The following TBCA variants were observed in gnomAD, a reference collection of about 807,000 sequenced individuals.
TBCA encodes the protein tubulin folding cofactor A.
TBCA carries 6 observed loss-of-function variants against 15.8 expected under a neutral mutation model. The ratio of observed to expected loss-of-function variants is 0.38; its 90% CI spans 0.21 to 0.75. The LOEUF (loss-of-function observed/expected upper bound fraction) is 0.75, where lower values mean the gene tolerates loss of function less well. TBCA is among the 30% of genes least tolerant of loss of function. TBCA has a pLI of 0.46. For synonymous variants in TBCA, 32 were observed against 42.3 expected (o/e 0.76, Z 0.94); for missense variants, 90 against 131.2 (o/e 0.69, Z 1.53).
chr5:77,719,771 T>C (rs963750332), intron 1 of TBCA, among the ~76,000 whole-genome samples: 1 of 152,182 alleles, frequency 6.6e-6, no homozygotes, highest in Non-Finnish European at 1.5e-5. Flanking sequence ...TAAAACTCAT[T>C]ATTTCACGAA....
At chr5:77,725,605 A>G (rs192542524) in intron 1 of TBCA, among the ~76,000 whole-genome samples, 13 of 152,358 alleles carry the variant, frequency 8.5e-5, no homozygotes, top group East Asian at 3.9e-4. Context: ...TTCATTTTTC[A>G]TAACATCAGC....
At chr5:77,702,024 T>C (rs984118887) in intron 2 of TBCA, among the ~76,000 whole-genome samples, 4 of 151,770 alleles carry the variant, frequency 2.6e-5, no homozygotes, top group Non-Finnish European at 5.9e-5. Context: ...CAATAGACCT[T>C]GGGGACTCAG....
chr5:77,693,438 A>T, intron 2 of TBCA, 86 bp from the exon 3 acceptor site: 1 of 1,418,646 alleles, frequency 7.0e-7, no homozygotes, highest in Non-Finnish European at 9.6e-7. Context: ...ATCCTTATTA[A>T]GAGGAATCAG....
rs951621851 is a variant in TBCA, at chr5:77,771,488, T to C, written c.53+4717A>G. ...AAATCAGATGCTTTGCCATTTACTG[T>C]ACAAGGTAACAAAGTTTCTCTAGGA... On this transcript the variant is annotated intron_variant, in intron 1 of 3. Coordinates refer to ENST00000380377, the MANE Select transcript of TBCA (RefSeq NM_004607.3). 1.2e-4 allele frequency among the ~76,000 whole-genome samples: 19 copies of C among 152,318 alleles called. No individual in the cohort carries two copies. In the South Asian group the frequency reaches 2.9e-3, roughly 23 times the overall value.
intron 1 of TBCA, among the ~76,000 whole-genome samples, chr5:77,729,591 A>C (rs1400455632): frequency 6.6e-6 from 1 of 152,200 alleles, no homozygotes; most frequent in African/African-American, 2.4e-5. Context: ...AATCTGCGTA[A>C]GATTGCTTTT....
At chr5:77,738,413 T>C (rs946677839) in intron 1 of TBCA, among the ~76,000 whole-genome samples, 3 of 152,156 alleles carry the variant, frequency 2.0e-5, no homozygotes, top group Admixed American at 1.3e-4. Context: ...CCATGTAAAA[T>C]AGGAAGACTA....
At chr5:77,698,182 A>C (rs1205693537) in intron 2 of TBCA, among the ~76,000 whole-genome samples, 2 of 149,894 alleles carry the variant, frequency 1.3e-5, no homozygotes, top group African/African-American at 2.4e-5. Context: ...AAAAAAAAAA[A>C]CACACTGATA....
At chr5:77,761,650 A>C (rs1251975566) in intron 1 of TBCA, among the ~76,000 whole-genome samples, 1 of 152,120 alleles carries the variant, frequency 6.6e-6, no homozygotes, top group Non-Finnish European at 1.5e-5. Flanking sequence ...TAAAAAAAAA[A>C]ATACTCTAAT....
intron 1 of TBCA, among the ~76,000 whole-genome samples, chr5:77,751,591 A>G (rs1048044744): frequency 6.6e-6 from 1 of 152,020 alleles, no homozygotes; most frequent in African/African-American, 2.4e-5. Flanking sequence ...CATTCTCCCC[A>G]GAGGAGATGT....
intron 1 of TBCA, among the ~76,000 whole-genome samples, chr5:77,765,191 T>C (rs1442731230): frequency 6.6e-6 from 1 of 152,218 alleles, no homozygotes; most frequent in East Asian, 1.9e-4. Flanking sequence ...ATTCAATCTG[T>C]TGCAGTATCA....
intron 1 of TBCA, among the ~76,000 whole-genome samples, chr5:77,759,928 G>C (rs1226150817): frequency 6.6e-6 from 1 of 152,214 alleles, no homozygotes; most frequent in African/African-American, 2.4e-5. Context: ...TGCCATTGAA[G>C]TGGTGACTAT....
chr5:77,772,810 A>G (rs1252755922), intron 1 of TBCA, among the ~76,000 whole-genome samples: 1 of 152,230 alleles, frequency 6.6e-6, no homozygotes, highest in Non-Finnish European at 1.5e-5. Flanking sequence ...AAAATGATAA[A>G]TTTATTTCTA....
chr5:77,773,297 T>A (rs980925226), intron 1 of TBCA, among the ~76,000 whole-genome samples: 1 of 152,202 alleles, frequency 6.6e-6, no homozygotes. Flanking sequence ...CTTGGTCCTT[T>A]TCCTTGCATT....
chr5:77,745,482 T>A (rs1351640972), intron 1 of TBCA, among the ~76,000 whole-genome samples: 1 of 152,184 alleles, frequency 6.6e-6, no homozygotes, highest in Non-Finnish European at 1.5e-5. Context: ...CACAACTTTA[T>A]CATAATATGA....
At chr5:77,700,991 C>T (rs13182354) in intron 2 of TBCA, among the ~76,000 whole-genome samples, 12,172 of 152,176 alleles carry the variant, frequency 0.08, 641 homozygotes, top group Middle Eastern at 0.12. Flanking sequence ...AAAAACCCTT[C>T]TAGACATTGG....
intron 1 of TBCA, among the ~76,000 whole-genome samples, chr5:77,740,876 ATC>A (rs1334732221): frequency 1.3e-5 from 2 of 152,268 alleles, no homozygotes; most frequent in Non-Finnish European, 2.9e-5. Flanking sequence ...TCACTATTGT[ATC>A]TCTGTCATTC....
At chr5:77,705,231 A>G (rs185339864) in intron 2 of TBCA, among the ~76,000 whole-genome samples, 3 of 152,236 alleles carry the variant, frequency 2.0e-5, no homozygotes, top group Admixed American at 1.3e-4. Context: ...CATGTAACTG[A>G]TAACTCCTAT....
At chr5:77,714,943 T>A (rs1473972570) in intron 1 of TBCA, among the ~76,000 whole-genome samples, 1 of 152,178 alleles carries the variant, frequency 6.6e-6, no homozygotes, top group Non-Finnish European at 1.5e-5. Flanking sequence ...ACTACAAAAA[T>A]CCCTGCCCTA....
At chr5:77,737,033 T>C (rs537087534) in intron 1 of TBCA, among the ~76,000 whole-genome samples, 6 of 152,306 alleles carry the variant, frequency 3.9e-5, no homozygotes, top group African/African-American at 1.2e-4. Flanking sequence ...TTTGGGAATA[T>C]AGGAGAATAA....
Sources: gnomAD v4.1 joint callset for allele counts (sites outside exome capture counted in the v4.1 genomes callset) on GRCh38, gnomAD v4.1.1 for gene constraint, MANE v1.5 for transcripts, NCBI Gene and HGNC (gene_info 2026-07-23, HGNC 2026-07-21) for gene names.